The following ELMO1 variants were observed in gnomAD, a reference collection of about 807,000 sequenced individuals.
The protein encoded by ELMO1 is engulfment and cell motility 1.
A neutral mutation model predicts 98.9 loss-of-function variants in ELMO1; 26 were observed. The ratio of observed to expected loss-of-function variants is 0.26; its 90% CI spans 0.19 to 0.36. The LOEUF (loss-of-function observed/expected upper bound fraction) is 0.36. Among genes scored for constraint, ELMO1 ranks in the 10% least tolerant of loss-of-function variants. The probability of loss-of-function intolerance (pLI) is 1.00; values close to 1 mark genes in which losing one functional copy is unlikely to be tolerated. For missense variants in ELMO1, 627 were observed against 935.2 expected (o/e 0.67, Z 4.30); for synonymous variants, 346 against 346.0 (o/e 1.00, Z 0.00).
Position 36,867,366 on chromosome 7 carries a change from A to G in ELMO1, c.1905+3027T>C, listed in dbSNP as rs563118311. On this transcript the variant is annotated intron_variant, in intron 20 of 21. Coordinates refer to ENST00000310758, the MANE Select transcript of ELMO1 (RefSeq NM_014800.11). ...CCAAATATACTACCTCACATGTTCA[A>G]ATGAAATCATCTCCACATCTGTTAT... 5.3e-5 allele frequency among the ~76,000 whole-genome samples: 8 copies of G among 152,254 alleles called. No individual in the cohort carries two copies. In the South Asian group the frequency reaches 1.2e-3, roughly 24 times the overall value.
At chr7:37,329,318 T>A (rs1284524212) in intron 2 of ELMO1, among the ~76,000 whole-genome samples, 1 of 152,228 alleles carries the variant, frequency 6.6e-6, no homozygotes, top group Non-Finnish European at 1.5e-5. Flanking sequence ...TATAAAGTGA[T>A]ATTTTGATAC....
chr7:37,357,297 G>A (rs1801532621), intron 1 of ELMO1, among the ~76,000 whole-genome samples: 1 of 152,078 alleles, frequency 6.6e-6, no homozygotes, highest in Non-Finnish European at 1.5e-5. Context: ...ACCTGTCTTT[G>A]GTTTCAGGAG....
At chr7:36,919,391 T>C (rs1166547258) in intron 16 of ELMO1, 1 of 532,718 alleles carries the variant, frequency 1.9e-6, no homozygotes, top group Admixed American at 1.9e-5. Flanking sequence ...CCAATCTCTC[T>C]GGCAAGTGAT....
At chr7:37,132,572 G>A (rs145459431) in intron 14 of ELMO1, among the ~76,000 whole-genome samples, 14 of 152,268 alleles carry the variant, frequency 9.2e-5, no homozygotes, top group African/African-American at 2.2e-4. Context: ...CCCAGTCAGC[G>A]GATGGCATCT....
chr7:37,233,552 CTACT>C (rs1238899469), intron 7 of ELMO1, among the ~76,000 whole-genome samples: 2 of 152,142 alleles, frequency 1.3e-5, no homozygotes, highest in Admixed American at 6.5e-5. Context: ...AGCCACAGAG[CTACT>C]TACTTAATAA....
intron 1 of ELMO1, among the ~76,000 whole-genome samples, chr7:37,405,255 C>T (rs919025853): frequency 2.0e-5 from 3 of 152,160 alleles, no homozygotes; most frequent in Admixed American, 1.3e-4. Flanking sequence ...AAAGGTCAGG[C>T]TTTATTGCAG....
At chr7:36,986,964 T>G (rs1425349228) in intron 16 of ELMO1, among the ~76,000 whole-genome samples, 1 of 152,204 alleles carries the variant, frequency 6.6e-6, no homozygotes, top group Non-Finnish European at 1.5e-5. Flanking sequence ...TTTAAAAATA[T>G]TTGTTGCCTA....
intron 11 of ELMO1, among the ~76,000 whole-genome samples, chr7:37,215,507 C>T (rs1222377972): frequency 6.6e-6 from 1 of 152,132 alleles, no homozygotes; most frequent in Admixed American, 6.5e-5. Context: ...AGCCTTGGCA[C>T]CCACCCCCCA....
intron 6 of ELMO1, among the ~76,000 whole-genome samples, chr7:37,253,549 G>A (rs193081248): frequency 4.6e-5 from 7 of 152,168 alleles, no homozygotes; most frequent in South Asian, 2.1e-4. Flanking sequence ...GACACAGGGC[G>A]GGGAACATCA....
At chr7:37,290,309 G>A (rs1229990022) in intron 4 of ELMO1, among the ~76,000 whole-genome samples, 2 of 152,132 alleles carry the variant, frequency 1.3e-5, no homozygotes, top group African/African-American at 2.4e-5. Context: ...TAAAAGGAAA[G>A]GCTCTCAGAA....
intron 15 of ELMO1, among the ~76,000 whole-genome samples, chr7:37,081,864 T>C (rs1303156835): frequency 6.6e-6 from 1 of 152,198 alleles, no homozygotes; most frequent in Non-Finnish European, 1.5e-5. Context: ...TGCGAGGCCT[T>C]ACATTTGAAG....
chr7:37,102,523 T>TAAATAAACCC (rs1176878323), intron 14 of ELMO1, among the ~76,000 whole-genome samples: 1 of 152,106 alleles, frequency 6.6e-6, no homozygotes, highest in East Asian at 1.9e-4. Context: ...GACCTGGAAG[T>TAAATAAACCC]AAATAAACCC....
chr7:36,888,793 T>C (rs1805271429), intron 17 of ELMO1, among the ~76,000 whole-genome samples: 1 of 152,224 alleles, frequency 6.6e-6, no homozygotes, highest in Non-Finnish European at 1.5e-5. Flanking sequence ...ACCTTAACTC[T>C]GGACTTGCCT....
intron 4 of ELMO1, among the ~76,000 whole-genome samples, chr7:37,294,355 TA>T (rs11301331): frequency 0.36 from 51,550 of 142,638 alleles, 9,940 homozygotes; most frequent in Middle Eastern, 0.54. Flanking sequence ...AGAAGCCATT[TA>T]AAAAAAAAAA....
chr7:37,327,702 T>C (rs537772274), intron 2 of ELMO1, among the ~76,000 whole-genome samples: 2 of 152,326 alleles, frequency 1.3e-5, no homozygotes, highest in Admixed American at 1.3e-4. Flanking sequence ...TCCTCCTTTC[T>C]TGAGTGGCAA....
rs970902542 is a variant in ELMO1, at chr7:37,433,329, G to A, written c.-74+15346C>T. Among the ~76,000 whole-genome samples the A allele has an allele frequency of 3.3e-5, 5 of 152,312 alleles. No homozygotes were observed. In the South Asian group the frequency reaches 1.0e-3, roughly 32 times the overall value. ...TGCCGTGAGCCCTCCAGGCTACTAAGAGAGAAGGACATGAAACAGAGTGTG... is the reference window on the plus strand; with the variant it reads ...TGCCGTGAGCCCTCCAGGCTACTAAAAGAGAAGGACATGAAACAGAGTGTG... On this transcript the variant is annotated intron_variant, in intron 1 of 21. Transcript: ENST00000310758.
At chr7:36,871,363 C>T (rs1336123895) in intron 19 of ELMO1, among the ~76,000 whole-genome samples, 1 of 152,140 alleles carries the variant, frequency 6.6e-6, no homozygotes, top group African/African-American at 2.4e-5. Context: ...TAGGGAGACC[C>T]TGTCTCTACA....
chr7:37,124,522 A>G (rs1786350677), intron 14 of ELMO1, among the ~76,000 whole-genome samples: 1 of 152,166 alleles, frequency 6.6e-6, no homozygotes, highest in Non-Finnish European at 1.5e-5. Flanking sequence ...TCATGAATGA[A>G]CTCCCATTCA....
At chr7:37,406,267 G>GTT (rs71554508) in intron 1 of ELMO1, among the ~76,000 whole-genome samples, 44,026 of 145,338 alleles carry the variant, frequency 0.3, 7,014 homozygotes, top group East Asian at 0.44. Context: ...TTACTCTTTT[G>GTT]TTTTTTTTTT....
Sources: gnomAD v4.1 joint callset for allele counts (sites outside exome capture counted in the v4.1 genomes callset) on GRCh38, gnomAD v4.1.1 for gene constraint, MANE v1.5 for transcripts, NCBI Gene and HGNC (gene_info 2026-07-23, HGNC 2026-07-21) for gene names.